ULK4: variants seen among roughly 807,000 people sequenced by gnomAD.
ULK4 encodes inactive serine/threonine-protein kinase ULK4.
In ULK4, 133 loss-of-function variants were observed where a neutral mutation model predicts 160.6. That is an observed-to-expected ratio of 0.83 (90% CI 0.72 to 0.96). The LOEUF (loss-of-function observed/expected upper bound fraction) is 0.96, where lower values mean the gene tolerates loss of function less well. ULK4 is among the 40% of genes least tolerant of loss of function. The pLI is 0.00. For missense variants in ULK4, 1,580 were observed against 1,499.5 expected (o/e 1.05, Z -0.89); for synonymous variants, 534 against 539.8 (o/e 0.99, Z 0.15).
At chr3:41,388,857 G>A (rs2081886432) in intron 35 of ULK4, among the ~76,000 whole-genome samples, 1 of 152,166 alleles carries the variant, frequency 6.6e-6, no homozygotes, top group Admixed American at 6.6e-5. Flanking sequence ...TGGCTATACA[G>A]GCTCTTTTTT....
At position 41,311,960 on chromosome 3, in the gene ULK4, ATTTAT is replaced by A. The variant is rs141914789; in HGVS notation, c.3679-62391_3679-62387del. 9.8e-4 allele frequency among the ~76,000 whole-genome samples: 145 copies of A among 147,336 alleles called. 1 individual carries two copies. The highest frequency in any genetic ancestry group is 3.3e-3 in the African/African-American group (128 of 38,226). On this transcript the variant is annotated intron_variant, in intron 35 of 36. Coordinates refer to ENST00000301831, the MANE Select transcript of ULK4 (RefSeq NM_017886.4). ...AGAGGACATATTTCTTCTAACACACATTTATTTTATTTTATTTTATTTTATTTTTT... is the reference window on the plus strand; with the variant it reads ...AGAGGACATATTTCTTCTAACACACATTTATTTTATTTTATTTTATTTTTT...
rs1553638196 is a variant in ULK4 at position 41,279,263 on chromosome 3, A to AAC, written c.3679-29690_3679-29689insGT. Among the ~76,000 whole-genome samples the AAC allele has an allele frequency of 9.2e-3, 1,051 of 114,654 alleles. 9 individuals are homozygous for AAC. Among genetic ancestry groups the AAC allele is most frequent in the South Asian group, 0.024 (87 of 3,560 alleles). The allele number at this position is 114,654 out of a possible 152,430, so 75.2% of individuals were successfully genotyped here. ...ATTAGAGAAAAAAAGAGTAAAAAAA[A>AAC]AAAAAAAAAAAACAAAACGACAAAG... On this transcript the variant is annotated intron_variant, in intron 35 of 36. Coordinates refer to ENST00000301831, the MANE Select transcript of ULK4 (RefSeq NM_017886.4).
At chr3:41,286,597 C>G (rs935963461) in intron 35 of ULK4, among the ~76,000 whole-genome samples, 47 of 152,190 alleles carry the variant, frequency 3.1e-4, no homozygotes, top group African/African-American at 1.1e-3. Flanking sequence ...TCCAGGGCCC[C>G]GCCAGCACCC....
At chr3:41,452,982 T>G (rs2083455762) in intron 34 of ULK4, among the ~76,000 whole-genome samples, 1 of 151,994 alleles carries the variant, frequency 6.6e-6, no homozygotes, top group Admixed American at 6.6e-5. Flanking sequence ...GTAGGGAAAA[T>G]GTACACTCAG....
At chr3:41,819,800 C>T (rs1166317147) in intron 18 of ULK4, among the ~76,000 whole-genome samples, 1 of 152,000 alleles carries the variant, frequency 6.6e-6, no homozygotes, top group Non-Finnish European at 1.5e-5. Context: ...TATGATCTGA[C>T]AGATAAATCA....
At chr3:41,283,261 T>G (rs1419991947) in intron 35 of ULK4, among the ~76,000 whole-genome samples, 1 of 152,156 alleles carries the variant, frequency 6.6e-6, no homozygotes, top group Non-Finnish European at 1.5e-5. Context: ...GATGCAGAAC[T>G]AGAAATACCA....
chr3:41,929,292 C>T (rs182506580), intron 5 of ULK4, among the ~76,000 whole-genome samples: 86 of 152,264 alleles, frequency 5.6e-4, no homozygotes, highest in Non-Finnish European at 1.0e-3. Flanking sequence ...AATTCAACAC[C>T]GCTTCATGCT....
chr3:41,381,108 C>T (rs758492731), intron 35 of ULK4, among the ~76,000 whole-genome samples: 4 of 152,150 alleles, frequency 2.6e-5, no homozygotes, highest in African/African-American at 4.8e-5. Flanking sequence ...GTTATCAGGT[C>T]GCTCACACTC....
chr3:41,901,299 C>T (rs1575915510), intron 12 of ULK4, among the ~76,000 whole-genome samples: 1 of 150,508 alleles, frequency 6.6e-6, no homozygotes, highest in Non-Finnish European at 1.5e-5. Context: ...CCTGCCTCAG[C>T]CTCCCGAGTA....
chr3:41,522,084 A>G (rs1035804641), intron 32 of ULK4, among the ~76,000 whole-genome samples: 2 of 148,406 alleles, frequency 1.3e-5, no homozygotes, highest in Non-Finnish European at 3.0e-5. Context: ...TATTTTAAAC[A>G]TGTTTTAAAT....
intron 32 of ULK4, among the ~76,000 whole-genome samples, chr3:41,523,601 G>C (rs2086009276): frequency 6.6e-6 from 1 of 152,014 alleles, no homozygotes; most frequent in South Asian, 2.1e-4. Flanking sequence ...CACACCACTA[G>C]AATGGCCACA....
intron 32 of ULK4, among the ~76,000 whole-genome samples, chr3:41,521,990 G>C (rs2085945176): frequency 6.6e-6 from 1 of 151,984 alleles, no homozygotes; most frequent in Non-Finnish European, 1.5e-5. Context: ...GCTCTTTGTG[G>C]TTTTTATAGG....
intron 33 of ULK4, 44 bp from the exon 34 acceptor site, chr3:41,455,639 G>C (rs1163704344): frequency 3.8e-6 from 6 of 1,595,632 alleles, no homozygotes; most frequent in Non-Finnish European, 5.1e-6. Context: ...TTGGTGATTA[G>C]TCAGCTTGGC....
chr3:41,402,565 A>G (rs2082203627), intron 34 of ULK4, among the ~76,000 whole-genome samples: 1 of 152,184 alleles, frequency 6.6e-6, no homozygotes, highest in Non-Finnish European at 1.5e-5. Context: ...TTTACCATGA[A>G]TAAGTGCTGG....
At chr3:41,954,103 G>A (rs570216950) in intron 2 of ULK4, among the ~76,000 whole-genome samples, 48 of 151,574 alleles carry the variant, frequency 3.2e-4, no homozygotes, top group African/African-American at 1.0e-3. Flanking sequence ...GCGTGAACCC[G>A]GGAGGCACAG....
At chr3:41,369,481 T>G (rs2081318528) in intron 35 of ULK4, among the ~76,000 whole-genome samples, 1 of 127,732 alleles carries the variant, frequency 7.8e-6, no homozygotes. Flanking sequence ...GCAAATGGAG[T>G]GAGACCCTGT....
At chr3:41,556,926 A>T (rs1368461465) in intron 32 of ULK4, among the ~76,000 whole-genome samples, 1 of 152,226 alleles carries the variant, frequency 6.6e-6, no homozygotes, top group Non-Finnish European at 1.5e-5. Flanking sequence ...ATCAAAAATG[A>T]ACAAACAAAA....
chr3:41,772,350 A>C (rs2039421616), intron 21 of ULK4, among the ~76,000 whole-genome samples: 1 of 152,144 alleles, frequency 6.6e-6, no homozygotes, highest in Non-Finnish European at 1.5e-5. Context: ...AAAAGAGAGA[A>C]GAATCAAATA....
chr3:41,470,044 A>AAAAAAAAAAAAAAAAC (rs1415943037), intron 32 of ULK4, among the ~76,000 whole-genome samples: 13 of 116,684 alleles, frequency 1.1e-4, no homozygotes, highest in Non-Finnish European at 1.4e-4. Flanking sequence ...AAAAAAAAAA[A>AAAAAAAAAAAAAAAAC]AACAAAGTAT....
Sources: allele counts gnomAD v4.1 joint callset (sites outside exome capture counted in the v4.1 genomes callset), GRCh38; gene constraint gnomAD v4.1.1; transcripts MANE v1.5; gene names NCBI Gene and HGNC (gene_info 2026-07-23, HGNC 2026-07-21).